Variants in PGM2L1 observed in about 807,000 individuals in gnomAD.
PGM2L1 encodes glucose 1,6-bisphosphate synthase.
In PGM2L1, 35 loss-of-function variants were observed where a neutral mutation model predicts 73.4. The observed-to-expected ratio is 0.48, with a 90% CI of 0.36 to 0.63. The LOEUF (loss-of-function observed/expected upper bound fraction) is 0.63. Among genes scored for constraint, PGM2L1 ranks in the 30% least tolerant of loss-of-function variants. PGM2L1 has a pLI of 0.00. For missense variants in PGM2L1, 570 were observed against 742.0 expected (o/e 0.77, Z 2.69); for synonymous variants, 225 against 253.8 (o/e 0.89, Z 1.08).
At chr11:74,343,076 T>C (rs1862207370) in intron 10 of PGM2L1, 62 bp from the exon 11 acceptor site, 2 of 1,516,204 alleles carry the variant, frequency 1.3e-6, no homozygotes, top group Non-Finnish European at 1.8e-6. Context: ...TCAATAGTTT[T>C]ACATTTCTTC....
Position 74,370,105 on chromosome 11 carries a change from G to A in PGM2L1, c.471+797C>T, listed in dbSNP as rs139505195. On this transcript the variant is annotated intron_variant, in intron 4 of 13. Coordinates refer to ENST00000298198, the MANE Select transcript of PGM2L1 (RefSeq NM_173582.6). ...ACTTTAGTTATCAATGTTTCTTAAC[G>A]TTTTAAATTACAATGTACTAAATAA... 2.7e-3 allele frequency among the ~76,000 whole-genome samples: 407 copies of A among 152,094 alleles called. 3 individuals carry two copies. Among genetic ancestry groups the A allele is most frequent in the African/African-American group, 9.1e-3 (379 of 41,492 alleles).
intron 5 of PGM2L1, among the ~76,000 whole-genome samples, chr11:74,355,922 A>C (rs1207762409): frequency 6.6e-6 from 1 of 152,194 alleles, no homozygotes; most frequent in Middle Eastern, 3.2e-3. Context: ...TTGTGTAACA[A>C]GTTATTTTAG....
At chr11:74,346,662 A>G in intron 8 of PGM2L1, 70 bp downstream of exon 8, 1 of 1,133,462 alleles carries the variant, frequency 8.8e-7, no homozygotes, top group Middle Eastern at 2.0e-4. Context: ...ATTTTCAATG[A>G]GCCTGTAAGA....
At chr11:74,381,993 G>T (rs932262007) in intron 1 of PGM2L1, among the ~76,000 whole-genome samples, 3 of 149,038 alleles carry the variant, frequency 2.0e-5, no homozygotes, top group Admixed American at 1.4e-4. Context: ...TTTTTAAAAT[G>T]AGTAAGCCCA....
chr11:74,395,532 C>T (rs140296848), intron 1 of PGM2L1, among the ~76,000 whole-genome samples: 5 of 141,214 alleles, frequency 3.5e-5, no homozygotes, highest in East Asian at 2.2e-4. Context: ...ACTACAGGCA[C>T]GTGACACCTC....
chr11:74,393,444 A>C (rs1009437855), intron 1 of PGM2L1, among the ~76,000 whole-genome samples: 1 of 152,298 alleles, frequency 6.6e-6, no homozygotes, highest in East Asian at 1.9e-4. Flanking sequence ...TGATGACTTA[A>C]AAGGAAATTC....
At chr11:74,362,830 G>A (rs1254027147) in intron 5 of PGM2L1, among the ~76,000 whole-genome samples, 2 of 152,112 alleles carry the variant, frequency 1.3e-5, no homozygotes, top group East Asian at 1.9e-4. Flanking sequence ...ACAGATCAAC[G>A]AGACAGAAAG....
chr11:74,353,010 C>T (rs1862381582), intron 5 of PGM2L1, among the ~76,000 whole-genome samples: 1 of 152,088 alleles, frequency 6.6e-6, no homozygotes, highest in South Asian at 2.1e-4. Flanking sequence ...CATGAGGAAG[C>T]ATGTCTCTTC....
intron 5 of PGM2L1, among the ~76,000 whole-genome samples, chr11:74,353,734 C>A (rs1243326442): frequency 6.6e-6 from 1 of 150,980 alleles, no homozygotes; most frequent in African/African-American, 2.4e-5. Flanking sequence ...ACGTCTACTT[C>A]TTTCTACACA....
intron 5 of PGM2L1, among the ~76,000 whole-genome samples, chr11:74,353,591 G>A (rs542361636): frequency 2.4e-4 from 36 of 151,562 alleles, no homozygotes; most frequent in African/African-American, 5.8e-4. Context: ...ATCTTGCACC[G>A]CCCTTAATCC....
chr11:74,375,104 AC>A (rs1461176631), intron 1 of PGM2L1, among the ~76,000 whole-genome samples: 2 of 152,204 alleles, frequency 1.3e-5, no homozygotes, highest in Non-Finnish European at 2.9e-5. Flanking sequence ...ACCTGCCTAG[AC>A]CTCTGCAATT....
Position 74,335,701 on chromosome 11 carries a change from T to G in PGM2L1, c.*951A>C, listed in dbSNP as rs1353328376. 3 of 152,504 alleles carry G rather than the reference T, an allele frequency of 2.0e-5. No individual in the cohort carries two copies. The highest frequency in any genetic ancestry group is 4.4e-5 in the Non-Finnish European group (3 of 68,038). 9.4% of individuals were successfully genotyped at this position (152,504 alleles called of 1,614,324 possible). A position where few individuals can be genotyped will look rare whatever the true frequency, so the allele number is the denominator to read the frequency against. ...CAGAGCTCCTTTCTCAGTTCAGATT[T>G]TTTTCTGTAATAAAAGGTTTGATAA... On this transcript the variant is annotated 3_prime_UTR_variant, in exon 14 of 14. Transcript: ENST00000298198.
chr11:74,354,994 A>C, intron 5 of PGM2L1: 1 of 1,204,742 alleles, frequency 8.3e-7, no homozygotes, highest in Non-Finnish European at 1.2e-6. Context: ...CTGTCAAAGC[A>C]AGAAGAGATG....
rs1184423104 is a variant in PGM2L1 at position 74,334,828 on chromosome 11, A to G, written c.*1824T>C. The G allele has an allele frequency of 2.6e-5, 4 of 151,962 alleles. No individual in the cohort carries two copies. The highest frequency in any genetic ancestry group is 1.9e-4 in the East Asian group (1 of 5,192). 9.4% of individuals were successfully genotyped at this position (151,962 alleles called of 1,614,324 possible). A position where few individuals can be genotyped will look rare whatever the true frequency, so the allele number is the denominator to read the frequency against. ...TATTGTTATCTCCTAACTATACCCC[A>G]TATGTATTCTGAGAACTATGTAGGA... On this transcript the variant is annotated 3_prime_UTR_variant, in exon 14 of 14. Transcript: ENST00000298198.
intron 5 of PGM2L1, among the ~76,000 whole-genome samples, chr11:74,351,777 G>A (rs1050104001): frequency 2.0e-5 from 3 of 151,750 alleles, no homozygotes; most frequent in African/African-American, 7.3e-5. Flanking sequence ...CCTGGCTAAC[G>A]TGGTGAAACC....
intron 1 of PGM2L1, among the ~76,000 whole-genome samples, chr11:74,377,442 T>TTTTAAATG (rs1862874416): frequency 6.6e-6 from 1 of 152,074 alleles, no homozygotes. Context: ...AACTAATTAT[T>TTTTAAATG]TTTAAATGAA....
At position 74,330,608 on chromosome 11, in the gene PGM2L1, G is replaced by T. The variant is rs564306295; in HGVS notation, c.*6044C>A. 4.6e-5 allele frequency: 7 copies of T among 152,670 alleles called. 1 individual carries two copies. The South Asian group carries it at 1.5e-3, about 32-fold the overall frequency. The allele number at this position is 152,670 out of a possible 1,614,324, so 9.5% of individuals were successfully genotyped here. A position where few individuals can be genotyped will look rare whatever the true frequency, so the allele number is the denominator to read the frequency against. ...GTTTATTCTAGCCTAGAACAACAAG[G>T]CCTCACCATACATAGAAGCAGAGTC... On this transcript the variant is annotated 3_prime_UTR_variant, in exon 14 of 14. Coordinates refer to ENST00000298198, the MANE Select transcript of PGM2L1 (RefSeq NM_173582.6).
chr11:74,393,676 T>C (rs942278339), intron 1 of PGM2L1, among the ~76,000 whole-genome samples: 3 of 152,330 alleles, frequency 2.0e-5, no homozygotes, highest in South Asian at 2.1e-4. Context: ...AGTGCTCTAC[T>C]TGCTATTTCT....
intron 5 of PGM2L1, among the ~76,000 whole-genome samples, chr11:74,360,736 G>T (rs1020442501): frequency 6.6e-6 from 1 of 152,146 alleles, no homozygotes; most frequent in African/African-American, 2.4e-5. Flanking sequence ...TTAGCAAACC[G>T]CACACCAGGA....
Sources: allele counts gnomAD v4.1 joint callset (sites outside exome capture counted in the v4.1 genomes callset), GRCh38; gene constraint gnomAD v4.1.1; transcripts MANE v1.5; gene names NCBI Gene and HGNC (gene_info 2026-07-23, HGNC 2026-07-21).